FBN3: variants seen among roughly 807,000 people sequenced by gnomAD.
FBN3 encodes fibrillin-3.
FBN3 carries 234 observed loss-of-function variants against 330.1 expected under a neutral mutation model. The ratio of observed to expected loss-of-function variants is 0.71; its 90% confidence interval spans 0.64 to 0.79. FBN3 has a LOEUF of 0.79. Among genes scored for constraint, FBN3 ranks in the 30% least tolerant of loss-of-function variants. The pLI is 0.00. For missense variants in FBN3, 3,606 were observed against 3,886.9 expected (o/e 0.93, Z 1.92); for synonymous variants, 1,458 against 1,517.3 (o/e 0.96, Z 0.91).
At chr19:8,111,862 A>C in intron 31 of FBN3, 92 bp from the exon 32 acceptor site, 1 of 1,528,810 alleles carries the variant, frequency 6.5e-7, no homozygotes, top group Non-Finnish European at 8.9e-7. Flanking sequence ...TCCAACCCTG[A>C]CTGCCCCCCT....
chr19:8,094,814 C>T (rs1230011529), intron 46 of FBN3, among the ~76,000 whole-genome samples: 1 of 152,142 alleles, frequency 6.6e-6, no homozygotes, highest in African/African-American at 2.4e-5. Context: ...TAGCAAGATT[C>T]CTAATCTGGC....
intron 13 of FBN3, among the ~76,000 whole-genome samples, chr19:8,134,259 A>AAATT (rs373519355): frequency 7.4e-6 from 1 of 135,716 alleles, no homozygotes; most frequent in Non-Finnish European, 1.5e-5. Flanking sequence ...ATAAATAAAT[A>AAATT]AAATAAATAA....
chr19:8,148,515 C>T (rs377003725), intron 1 of FBN3, among the ~76,000 whole-genome samples: 3 of 152,210 alleles, frequency 2.0e-5, no homozygotes, highest in African/African-American at 7.2e-5. Context: ...ACGGAACTCG[C>T]TCCTGCCCCC....
At chr19:8,110,770 G>C (rs992796260) in intron 34 of FBN3, 75 bp downstream of exon 34, 5 of 1,581,834 alleles carry the variant, frequency 3.2e-6, no homozygotes. Context: ...TCTGAGGGCA[G>C]TGAGGGAGTG....
chr19:8,127,127 G>A (rs936342012), intron 18 of FBN3, among the ~76,000 whole-genome samples: 8 of 141,862 alleles, frequency 5.6e-5, no homozygotes, highest in East Asian at 2.2e-4. Flanking sequence ...GCACCATCCC[G>A]GCTCACTGCA....
At chr19:8,135,936 G>GGGGGGGGGGGGCCCCCCCCCCCCCCC in intron 13 of FBN3, 25 bp downstream of exon 13, 8 of 668,744 alleles carry the variant, frequency 1.2e-5, no homozygotes, top group African/African-American at 2.0e-5. Context: ...GGAAGCCCCT[G>GGGGGGGGGGGGCCCCCCCCCCCCCCC]CCCACCCGCC....
intron 13 of FBN3, 21 bp downstream of exon 13, chr19:8,135,940 A>ACCCCCCCCCCC: frequency 1.2e-5 from 2 of 168,342 alleles, no homozygotes; most frequent in South Asian, 3.9e-5. Flanking sequence ...GCCCCTGCCC[A>ACCCCCCCCCCC]CCCGCCCACC....
chr19:8,133,109 G>A lies in FBN3; in HGVS notation c.1592-3C>T. 2 of 1,569,746 alleles carry A rather than the reference G, an allele frequency of 1.3e-6. No homozygotes were observed. The highest frequency in any genetic ancestry group is 1.7e-6 in the Non-Finnish European group (2 of 1,158,562). ...GCTGGTGGCACACTCGTTGTGGTCT[G>A]GGGACAACAGCAGAGGCTGGGTCCA... On this transcript the variant is annotated splice_region_variant and splice_polypyrimidine_tract_variant and intron_variant, in intron 13 of 63. Coordinates refer to ENST00000600128, the MANE Select transcript of FBN3 (RefSeq NM_032447.5).
chr19:8,090,215 G>A lies in FBN3; in HGVS notation c.6068C>T (p.Ala2023Val), dbSNP rs751612864. 4 of 1,614,042 alleles carry A rather than the reference G, an allele frequency of 2.5e-6. No homozygotes were observed. The Admixed American group carries it at 5.0e-5, about 20-fold the overall frequency. The change falls in exon 49 of 64, where the codon GCT (alanine) becomes GTT (valine). Residue 2023 changes from alanine (A) to valine (V), a missense_variant. Coordinates refer to ENST00000600128, the MANE Select transcript of FBN3 (RefSeq NM_032447.5). ...AGCTTTGGGCACCGAGCACTTCCCA[G>A]CCTCAAAACGGGTGAAGCAGAAACT... is the stretch of plus-strand genomic sequence containing the variant. ...RQSFCFTRFEAGKCSVPKAFN... is the reference protein window; with the variant it reads ...RQSFCFTRFEVGKCSVPKAFN...
rs1334664795 is a variant in FBN3, at chr19:8,065,972, G to A, written c.8377C>T (p.Pro2793Ser). The stretch of plus-strand genomic sequence containing the variant: ...CTCAAGGCCTGGCCCCATGGCCCTG[G>A]CTGCCCCTCTGGCTGGACACCCCAG... ...GPWGVQPEGQ[P>S]GPWGQALRLK... The change falls in exon 64 of 64, where the codon CCA becomes TCA. Residue 2793 changes from proline to serine, a missense_variant. Coordinates refer to ENST00000600128, the MANE Select transcript of FBN3 (RefSeq NM_032447.5). The A allele has an allele frequency of 3.1e-6, 5 of 1,610,982 alleles. No individual in the cohort carries two copies. The Admixed American group carries it at 6.7e-5, about 22-fold the overall frequency.
chr19:8,115,103 C>T (rs532133699), intron 30 of FBN3, among the ~76,000 whole-genome samples: 66 of 152,246 alleles, frequency 4.3e-4, no homozygotes, highest in African/African-American at 1.5e-3. Context: ...GATCTGCCCG[C>T]CTCGGCCTCC....
chr19:8,072,967 GT>G, intron 62 of FBN3, 95 bp downstream of exon 62: 1 of 152,186 alleles, frequency 6.6e-6, no homozygotes, highest in Non-Finnish European at 1.1e-5. Flanking sequence ...ACAAAGCCCC[GT>G]GTGTGTGTGT....
chr19:8,119,106 C>A (rs1038832652), intron 25 of FBN3, 84 bp from the exon 26 acceptor site: 2 of 1,455,184 alleles, frequency 1.4e-6, no homozygotes, highest in Non-Finnish European at 1.9e-6. Context: ...GGCTTCTCTC[C>A]GCCACCTCCC....
chr19:8,123,622 T>G, intron 23 of FBN3, 33 bp from the exon 24 acceptor site: 3 of 1,611,582 alleles, frequency 1.9e-6, no homozygotes, highest in Non-Finnish European at 8.5e-7. Flanking sequence ...CACCCTGACG[T>G]CCCCAAGCTC....
Position 8,125,926 on chromosome 19 carries a change from G to A in FBN3, c.2697C>T (p.Gly899=). The A allele has an allele frequency of 1.9e-6, 3 of 1,613,614 alleles. No homozygotes were observed. The highest frequency in any genetic ancestry group is 2.5e-6 in the Non-Finnish European group (3 of 1,179,980). ...AGSFRCECPE[G]LMLDASGRLC... is the part of the protein sequence containing the mutation. ...GCCGGCCTGAGGCGTCCAGCATCAG[G>A]CCCTCTGGACACTCACAGCGGAAAG... is the stretch of plus-strand genomic sequence containing the variant. Residue 899 remains glycine, a synonymous_variant, in exon 22 of 64, where the codon GGC becomes GGT. Coordinates refer to ENST00000600128, the MANE Select transcript of FBN3 (RefSeq NM_032447.5).
In FBN3 at chr19:8,131,901, A is replaced by G; in HGVS notation, c.1715-72T>C. On this transcript the variant is annotated intron_variant, in intron 14 of 63. Transcript: ENST00000600128. The surrounding 1 kb of genome is among the most constrained non-coding windows in gnomAD (Gnocchi z 4.5). ...TCCTCTCTCCCCTCCCCATCTCCCA[A>G]CATTTCCATCTTCCCAGCCATTCTA... The G allele has an allele frequency of 4.3e-6, 6 of 1,411,644 alleles. No homozygotes were observed. Among genetic ancestry groups the G allele is most frequent in the Non-Finnish European group, 5.6e-6 (6 of 1,072,412 alleles). The allele number at this position is 1,411,644 out of a possible 1,614,324, so 87.4% of individuals were successfully genotyped here.
rs1232932433 is a variant in FBN3, at chr19:8,129,656, G to A, written c.2045-291C>T. On this transcript the variant is annotated intron_variant, in intron 16 of 63. Transcript: ENST00000600128. The surrounding 1 kb of genome is among the most constrained non-coding windows in gnomAD (Gnocchi z 4.5). The stretch of plus-strand genomic sequence containing the variant: ...GATGTCAGTAGCACCCACCGCCCCA[G>A]TATTACTCCAGACATTGTCAAATGA... 2.0e-5 allele frequency among the ~76,000 whole-genome samples: 3 copies of A among 152,128 alleles called. No homozygotes were observed. The highest frequency in any genetic ancestry group is 2.0e-4 in the Admixed American group (3 of 15,260).
intron 8 of FBN3, among the ~76,000 whole-genome samples, chr19:8,138,826 C>T (rs909995640): frequency 6.6e-6 from 1 of 152,134 alleles, no homozygotes; most frequent in African/African-American, 2.4e-5. Flanking sequence ...GCGGGAGGAT[C>T]TCTTAAGGTC....
chr19:8,136,569 T>C, intron 10 of FBN3, 38 bp from the exon 11 acceptor site: 1 of 1,610,278 alleles, frequency 6.2e-7, no homozygotes, highest in Non-Finnish European at 8.5e-7. Flanking sequence ...GAGCAGTGGC[T>C]GGCCCCGCCC....
Sources: gnomAD v4.1 joint callset for allele counts (sites outside exome capture counted in the v4.1 genomes callset) on GRCh38, gnomAD v4.1.1 for gene constraint, Gnocchi (gnomAD v3.1) non-coding constraint, MANE v1.5 for transcripts, NCBI Gene and HGNC (gene_info 2026-07-23, HGNC 2026-07-21) for gene names.